The following PTPRD variants were observed in gnomAD, a reference collection of about 807,000 sequenced individuals.
PTPRD encodes protein tyrosine phosphatase receptor type D.
PTPRD carries 34 observed loss-of-function variants against 214.5 expected under a neutral mutation model. The observed-to-expected ratio is 0.16, with a 90% CI of 0.12 to 0.21. The LOEUF (loss-of-function observed/expected upper bound fraction) is 0.21. Among genes scored for constraint, PTPRD ranks in the 10% least tolerant of loss-of-function variants. The probability of loss-of-function intolerance (pLI) is 1.00; values close to 1 mark genes in which losing one functional copy is unlikely to be tolerated. For synonymous variants in PTPRD, 1,128 were observed against 845.7 expected (o/e 1.33, Z -5.79); for missense variants, 2,545 against 2,398.7 (o/e 1.06, Z -1.27).
intron 2 of PTPRD, among the ~76,000 whole-genome samples, chr9:10,468,750 G>T (rs1227420756): frequency 6.6e-6 from 1 of 151,956 alleles, no homozygotes; most frequent in African/African-American, 2.4e-5. Flanking sequence ...ATTCAGCAGT[G>T]AATGTTTATG....
intron 2 of PTPRD, among the ~76,000 whole-genome samples, chr9:10,461,497 C>T (rs1250802949): frequency 6.6e-6 from 1 of 151,914 alleles, no homozygotes. Flanking sequence ...GAACATTATT[C>T]AGCCTTTTGC....
At chr9:9,835,549 G>A (rs2056504265) in intron 5 of PTPRD, among the ~76,000 whole-genome samples, 1 of 152,060 alleles carries the variant, frequency 6.6e-6, no homozygotes, top group Admixed American at 6.6e-5. Flanking sequence ...GAGACAAATG[G>A]GGTTTGAAAC....
chr9:8,829,789 A>G (rs1199099810), intron 11 of PTPRD, among the ~76,000 whole-genome samples: 2 of 152,192 alleles, frequency 1.3e-5, no homozygotes, highest in African/African-American at 4.8e-5. Flanking sequence ...TACCACTAAT[A>G]ACCATAATCT....
At chr9:10,242,325 T>C (rs2091239548) in intron 3 of PTPRD, among the ~76,000 whole-genome samples, 1 of 152,010 alleles carries the variant, frequency 6.6e-6, no homozygotes, top group African/African-American at 2.4e-5. Flanking sequence ...TCTGAGCAAA[T>C]AACTTTAGGC....
chr9:10,308,900 A>G (rs151142388), intron 3 of PTPRD, among the ~76,000 whole-genome samples: 3 of 152,178 alleles, frequency 2.0e-5, no homozygotes, highest in African/African-American at 7.2e-5. Flanking sequence ...ACTGTTTACT[A>G]TTATAAAAAT....
At chr9:9,330,401 A>C (rs1252905397) in intron 9 of PTPRD, among the ~76,000 whole-genome samples, 1 of 152,140 alleles carries the variant, frequency 6.6e-6, no homozygotes, top group Non-Finnish European at 1.5e-5. Context: ...GGTTATCTTC[A>C]ATTAAGTCAA....
intron 45 of PTPRD, among the ~76,000 whole-genome samples, chr9:8,319,279 T>C (rs1029806430): frequency 6.6e-6 from 1 of 152,078 alleles, no homozygotes; most frequent in African/African-American, 2.4e-5. Context: ...GGCTATATCA[T>C]AAACTCTTAT....
intron 14 of PTPRD, among the ~76,000 whole-genome samples, chr9:8,602,944 C>A (rs1368213165): frequency 6.6e-6 from 1 of 152,130 alleles, no homozygotes; most frequent in African/African-American, 2.4e-5. Context: ...TTAGTCAAAC[C>A]CACCACTGAA....
At chr9:9,424,519 C>A (rs10977739) in intron 8 of PTPRD, among the ~76,000 whole-genome samples, 1 of 152,154 alleles carries the variant, frequency 6.6e-6, no homozygotes, top group Non-Finnish European at 1.5e-5. Flanking sequence ...CTTGTACAAT[C>A]TCTCAGGTTT....
chr9:9,474,090 T>G (rs1160494505), intron 8 of PTPRD, among the ~76,000 whole-genome samples: 1 of 152,076 alleles, frequency 6.6e-6, no homozygotes, highest in Non-Finnish European at 1.5e-5. Flanking sequence ...TTTATAGACT[T>G]GGGTCTTAGT....
chr9:8,389,913 TC>T (rs1262230200), intron 36 of PTPRD, among the ~76,000 whole-genome samples: 5 of 152,146 alleles, frequency 3.3e-5, no homozygotes, highest in African/African-American at 1.2e-4. Flanking sequence ...CTGCAGTAAG[TC>T]CTGTTATGAG....
intron 9 of PTPRD, among the ~76,000 whole-genome samples, chr9:9,290,374 G>C (rs1950768104): frequency 6.6e-6 from 1 of 151,492 alleles, no homozygotes; most frequent in Non-Finnish European, 1.5e-5. Flanking sequence ...TCATATACAA[G>C]GTTTGCAAAT....
At chr9:8,693,164 G>C (rs1453205817) in intron 12 of PTPRD, among the ~76,000 whole-genome samples, 1 of 152,154 alleles carries the variant, frequency 6.6e-6, no homozygotes, top group East Asian at 1.9e-4. Context: ...AAGTTTCACA[G>C]TTTTTTCCAC....
Position 10,329,927 on chromosome 9 carries a change from C to T in PTPRD, c.-545+11036G>A, listed in dbSNP as rs1223845848. Among the ~76,000 whole-genome samples, 2 of 151,868 alleles carry T rather than the reference C, an allele frequency of 1.3e-5. 1 individual carries two copies. Among genetic ancestry groups the T allele is most frequent in the East Asian group, 3.9e-4 (2 of 5,128 alleles). On this transcript the variant is annotated intron_variant, in intron 3 of 45. Coordinates refer to ENST00000381196, the MANE Select transcript of PTPRD (RefSeq NM_002839.4). ...TGCTACTGAAGATTCACATTTTCTACATTTCTTTATATTTTAAATAATACA... is the reference window on the plus strand; with the variant it reads ...TGCTACTGAAGATTCACATTTTCTATATTTCTTTATATTTTAAATAATACA...
intron 5 of PTPRD, among the ~76,000 whole-genome samples, chr9:9,836,613 G>A (rs1159176216): frequency 6.6e-6 from 1 of 152,118 alleles, no homozygotes; most frequent in Non-Finnish European, 1.5e-5. Flanking sequence ...CCTCTTCAAA[G>A]GATGCAGAGA....
At chr9:8,761,940 G>A (rs914414324) in intron 11 of PTPRD, among the ~76,000 whole-genome samples, 2 of 152,076 alleles carry the variant, frequency 1.3e-5, no homozygotes, top group South Asian at 2.1e-4. Context: ...AGGTCCCTAA[G>A]GCACCATTAT....
chr9:10,425,610 T>C (rs980922255), intron 2 of PTPRD, among the ~76,000 whole-genome samples: 2 of 152,022 alleles, frequency 1.3e-5, no homozygotes, highest in Non-Finnish European at 2.9e-5. Context: ...TAATCATCTC[T>C]GGATTCTGTT....
intron 3 of PTPRD, among the ~76,000 whole-genome samples, chr9:10,210,924 G>A (rs969671020): frequency 6.7e-6 from 1 of 149,256 alleles, no homozygotes; most frequent in African/African-American, 2.4e-5. Context: ...GCTAAACAAA[G>A]TAAGTCATTC....
intron 7 of PTPRD, among the ~76,000 whole-genome samples, chr9:9,583,209 T>C (rs1479280600): frequency 1.3e-5 from 2 of 151,990 alleles, no homozygotes. Context: ...TTACAAATAT[T>C]TTGGGTATCA....
Sources: gnomAD v4.1 joint callset for allele counts (sites outside exome capture counted in the v4.1 genomes callset) on GRCh38, gnomAD v4.1.1 for gene constraint, MANE v1.5 for transcripts, NCBI Gene and HGNC (gene_info 2026-07-23, HGNC 2026-07-21) for gene names.